MBD5: variants seen among roughly 807,000 people sequenced by gnomAD.
MBD5 encodes the protein methyl-CpG-binding domain protein 5.
MBD5 carries 13 observed loss-of-function variants against 117.3 expected under a neutral mutation model. The ratio of observed to expected loss-of-function variants is 0.11; its 90% CI spans 0.07 to 0.18. The LOEUF is 0.18. MBD5 is among the 10% of genes least tolerant of loss of function. The pLI, the probability that MBD5 is intolerant of heterozygous loss-of-function variation, is 1.00. For synonymous variants in MBD5, 727 were observed against 766.4 expected (o/e 0.95, Z 0.85); for missense variants, 1,879 against 2,093.8 (o/e 0.90, Z 2.00).
chr2:148,246,144 A>C (rs1381470613), intron 3 of MBD5, among the ~76,000 whole-genome samples: 1 of 152,238 alleles, frequency 6.6e-6, no homozygotes, highest in Non-Finnish European at 1.5e-5. Context: ...ATAAATCTGC[A>C]TGATAGGAAT....
At chr2:148,412,314 A>AAT (rs1000139277) in intron 4 of MBD5, among the ~76,000 whole-genome samples, 1 of 141,094 alleles carries the variant, frequency 7.1e-6, no homozygotes, top group East Asian at 1.9e-4. Flanking sequence ...AGAGAGAGAG[A>AAT]ATATATATAT....
intron 2 of MBD5, among the ~76,000 whole-genome samples, chr2:148,187,306 A>AC (rs112974582): frequency 0.012 from 1,737 of 141,074 alleles, 32 homozygotes; most frequent in African/African-American, 0.042. Context: ...CTTCCTCCAT[A>AC]CCCCCCCCAA....
At chr2:148,299,362 A>G (rs1701729283) in intron 3 of MBD5, among the ~76,000 whole-genome samples, 1 of 152,080 alleles carries the variant, frequency 6.6e-6, no homozygotes, top group Non-Finnish European at 1.5e-5. Flanking sequence ...TCCTGGCCTC[A>G]TGTGGTCCAC....
chr2:148,263,005 G>A (rs989026303), intron 3 of MBD5, among the ~76,000 whole-genome samples: 24 of 152,178 alleles, frequency 1.6e-4, no homozygotes, highest in African/African-American at 5.8e-4. Context: ...TGAACACTGA[G>A]TGTGATTCAA....
At chr2:148,497,946 G>A (rs1055732992) in intron 11 of MBD5, among the ~76,000 whole-genome samples, 12 of 152,160 alleles carry the variant, frequency 7.9e-5, no homozygotes, top group African/African-American at 2.7e-4. Context: ...CCACAAAGAT[G>A]TGCAGAATTA....
chr2:148,466,912 G>T (rs1471194251), intron 7 of MBD5, among the ~76,000 whole-genome samples: 1 of 152,178 alleles, frequency 6.6e-6, no homozygotes, highest in Non-Finnish European at 1.5e-5. Context: ...GTTATGATAT[G>T]ATTTGACCTG....
At chr2:148,111,016 A>C (rs1197416950) in intron 1 of MBD5, among the ~76,000 whole-genome samples, 2 of 152,018 alleles carry the variant, frequency 1.3e-5, no homozygotes, top group East Asian at 3.9e-4. Flanking sequence ...TGTTCTCCAA[A>C]TTTAATCGGG....
rs1682305402 is a variant in MBD5 at position 148,514,731 on chromosome 2, T to G, written c.*1790T>G. 6.6e-6 allele frequency: 1 copy of G among 152,356 alleles called. No individual in the cohort carries two copies. The highest frequency in any genetic ancestry group is 2.4e-5 in the African/African-American group (1 of 41,442). 9.4% of individuals were successfully genotyped at this position (152,356 alleles called of 1,614,324 possible). Reference sequence around the variant, plus strand: ...GAAAATGGAGACCAAGGTCATTCCTTAAGTTGGTTTCTTGGGGCCACAGCA... The same window carrying G: ...GAAAATGGAGACCAAGGTCATTCCTGAAGTTGGTTTCTTGGGGCCACAGCA... On this transcript the variant is annotated 3_prime_UTR_variant, in exon 14 of 14. Transcript: ENST00000642680.
chr2:148,036,161 A>T (rs12473564), intron 1 of MBD5, among the ~76,000 whole-genome samples: 39,632 of 152,002 alleles, frequency 0.26, 6,001 homozygotes, highest in East Asian at 0.46. Context: ...ATAGTGGGAA[A>T]AATATCTTTG....
intron 4 of MBD5, among the ~76,000 whole-genome samples, chr2:148,361,840 A>G (rs893020326): frequency 2.0e-5 from 3 of 152,174 alleles, no homozygotes; most frequent in African/African-American, 7.2e-5. Flanking sequence ...CATTGGAACT[A>G]GTTAGACAGT....
At chr2:148,497,105 C>T (rs1326623728) in intron 11 of MBD5, among the ~76,000 whole-genome samples, 1 of 151,666 alleles carries the variant, frequency 6.6e-6, no homozygotes, top group Non-Finnish European at 1.5e-5. Context: ...TGATAATGAA[C>T]CTAATAAATG....
intron 3 of MBD5, among the ~76,000 whole-genome samples, chr2:148,289,730 CATA>C (rs1198226371): frequency 6.6e-6 from 1 of 152,056 alleles, no homozygotes; most frequent in Non-Finnish European, 1.5e-5. Context: ...TGTTATTATA[CATA>C]ATGTTTTCAA....
chr2:148,352,514 C>T (rs1337284651), intron 4 of MBD5, among the ~76,000 whole-genome samples: 1 of 151,936 alleles, frequency 6.6e-6, no homozygotes, highest in Non-Finnish European at 1.5e-5. Flanking sequence ...ATACCACACC[C>T]ATTTCCCTTC....
chr2:148,371,427 T>G (rs553286040), intron 4 of MBD5, among the ~76,000 whole-genome samples: 3 of 152,110 alleles, frequency 2.0e-5, no homozygotes, highest in Non-Finnish European at 4.4e-5. Flanking sequence ...TTGTAACATA[T>G]TAAAAAAAGA....
At chr2:148,187,362 A>G (rs970166118) in intron 2 of MBD5, among the ~76,000 whole-genome samples, 1 of 152,036 alleles carries the variant, frequency 6.6e-6, no homozygotes, top group Non-Finnish European at 1.5e-5. Context: ...GAGGCATAAC[A>G]AATATGGAAT....
chr2:148,295,733 C>A, intron 3 of MBD5: 1 of 157,012 alleles, frequency 6.4e-6, no homozygotes, highest in Non-Finnish European at 1.4e-5. Flanking sequence ...CACCTGTGAC[C>A]ACTTCCGCAG....
chr2:148,379,811 T>C (rs1007597412), intron 4 of MBD5, among the ~76,000 whole-genome samples: 9 of 152,082 alleles, frequency 5.9e-5, no homozygotes, highest in African/African-American at 2.2e-4. Flanking sequence ...ACTAAGAGAT[T>C]ATAATCCAAT....
chr2:148,026,791 T>G (rs903903512), intron 1 of MBD5: 4 of 152,218 alleles, frequency 2.6e-5, no homozygotes, highest in African/African-American at 9.7e-5. Flanking sequence ...CTTGGTGTGG[T>G]GCACACTGTA....
At chr2:148,176,352 A>G (rs1026521835) in intron 1 of MBD5, among the ~76,000 whole-genome samples, 2 of 117,156 alleles carry the variant, frequency 1.7e-5, no homozygotes, top group Admixed American at 9.4e-5. Flanking sequence ...GTATATGTGT[A>G]TGAATATATT....
Sources: allele counts gnomAD v4.1 joint callset (sites outside exome capture counted in the v4.1 genomes callset), GRCh38; gene constraint gnomAD v4.1.1; transcripts MANE v1.5; gene names NCBI Gene and HGNC (gene_info 2026-07-23, HGNC 2026-07-21).